TAMM41: variants seen among roughly 807,000 people sequenced by gnomAD.
TAMM41 encodes the protein phosphatidate cytidylyltransferase, mitochondrial.
Under a neutral mutation model 44.1 loss-of-function variants are expected in TAMM41, and 36 were observed. That is an observed-to-expected ratio of 0.82 (90% CI 0.63 to 1.08). The LOEUF is 1.08. Among genes scored for constraint, TAMM41 ranks in the 50% least tolerant of loss-of-function variants. The pLI is 0.00. For missense variants in TAMM41, 417 were observed against 404.3 expected (o/e 1.03, Z -0.27); for synonymous variants, 164 against 153.1 (o/e 1.07, Z -0.53).
At chr3:11,795,321 G>C (rs2077578567) in intron 7 of TAMM41, among the ~76,000 whole-genome samples, 1 of 152,182 alleles carries the variant, frequency 6.6e-6, no homozygotes, top group Non-Finnish European at 1.5e-5. Flanking sequence ...CCTCTGCTCA[G>C]GGAATGAATG....
Position 11,809,451 on chromosome 3 carries a change from A to C in TAMM41, c.874+66T>G, listed in dbSNP as rs1337293839. On this transcript the variant is annotated intron_variant, in intron 6 of 7. Transcript: ENST00000455809. Reference sequence around the variant, plus strand: ...CAAAAAGGAAGAAATAATACATTCCAATCACAAACAAAGTCTGCTTTTCCC... The same window carrying C: ...CAAAAAGGAAGAAATAATACATTCCCATCACAAACAAAGTCTGCTTTTCCC... The C allele has an allele frequency of 2.5e-6, 4 of 1,569,182 alleles. No individual in the cohort carries two copies. The African/African-American group carries it at 5.5e-5, about 21-fold the overall frequency.
At chr3:11,790,130 A>C (rs1330102891), downstream of TAMM41, among the ~76,000 whole-genome samples, 2 of 152,218 alleles carry the variant, frequency 1.3e-5, no homozygotes, top group Admixed American at 1.3e-4. Context: ...TGGAGACTAG[A>C]GACATAACAA....
the TAMM41 span, among the ~76,000 whole-genome samples, chr3:11,725,425 T>TTCCTCCTCCTCC: frequency 7.3e-5 from 5 of 68,110 alleles, no homozygotes; most frequent in African/African-American, 1.5e-4. Context: ...TTCTTCTTCT[T>TTCCTCCTCCTCC]TCCTCCTCCT....
At chr3:11,772,237 AT>A in the TAMM41 span, among the ~76,000 whole-genome samples, 790 of 136,308 alleles carry the variant, frequency 5.8e-3, 4 homozygotes, top group African/African-American at 0.011. Context: ...CAGCTGGCTA[AT>A]TTTTTTTTTT....
chr3:11,793,904 A>G (rs1409741030), intron 7 of TAMM41, among the ~76,000 whole-genome samples: 1 of 152,132 alleles, frequency 6.6e-6, no homozygotes, highest in Non-Finnish European at 1.5e-5. Context: ...CTTTGTGGAA[A>G]TTCATCAGAT....
intron 5 of TAMM41, among the ~76,000 whole-genome samples, chr3:11,815,961 T>C (rs1202043340): frequency 1.3e-5 from 2 of 152,204 alleles, no homozygotes; most frequent in Admixed American, 6.5e-5. Context: ...TTTTAAATCA[T>C]GTACATGCAT....
chr3:11,803,702 A>C (rs1159674075), intron 7 of TAMM41, among the ~76,000 whole-genome samples: 1 of 152,244 alleles, frequency 6.6e-6, no homozygotes, highest in Non-Finnish European at 1.5e-5. Context: ...ACTGGATAAC[A>C]AAAATGTGTA....
chr3:11,748,077 G>A, the TAMM41 span, among the ~76,000 whole-genome samples: 4 of 151,612 alleles, frequency 2.6e-5, no homozygotes, highest in Non-Finnish European at 4.4e-5. Flanking sequence ...GTTTCTCCAT[G>A]TTGTCCAGGC....
At chr3:11,736,759 G>A in the TAMM41 span, among the ~76,000 whole-genome samples, 25 of 152,234 alleles carry the variant, frequency 1.6e-4, 1 homozygote, top group South Asian at 3.1e-3. Flanking sequence ...TATACAAGAG[G>A]GTATAGAGTG....
At chr3:11,844,780 TAATG>T (rs1375750526) in intron 1 of TAMM41, 1 of 371,590 alleles carries the variant, frequency 2.7e-6, no homozygotes, top group African/African-American at 2.1e-5. Flanking sequence ...AGTACATAAG[TAATG>T]AACTCTGACA....
chr3:11,813,871 T>C (rs1031251017), intron 5 of TAMM41, among the ~76,000 whole-genome samples: 2 of 144,896 alleles, frequency 1.4e-5, no homozygotes, highest in South Asian at 2.2e-4. Flanking sequence ...TATGTATATA[T>C]ATGTATATAT....
At chr3:11,766,080 A>C in the TAMM41 span, among the ~76,000 whole-genome samples, 1 of 152,242 alleles carries the variant, frequency 6.6e-6, no homozygotes, top group South Asian at 2.1e-4. Context: ...GGGTAGGCCT[A>C]GGATTCCTGA....
chr3:11,807,127 T>G, intron 7 of TAMM41: 15 of 965,130 alleles, frequency 1.6e-5, no homozygotes, highest in African/African-American at 1.8e-5. Flanking sequence ...GTGAAAGACA[T>G]GAGATACAGT....
At chr3:11,737,779 C>T in the TAMM41 span, among the ~76,000 whole-genome samples, 15 of 152,120 alleles carry the variant, frequency 9.9e-5, no homozygotes, top group African/African-American at 3.6e-4. Flanking sequence ...TTGAAATTAA[C>T]AATATTAACT....
intron 7 of TAMM41, among the ~76,000 whole-genome samples, chr3:11,798,106 A>C (rs1419706852): frequency 6.6e-6 from 1 of 152,216 alleles, no homozygotes; most frequent in Non-Finnish European, 1.5e-5. Flanking sequence ...TCAAAAACCT[A>C]AAAAGAGAAC....
intron 5 of TAMM41, among the ~76,000 whole-genome samples, chr3:11,813,100 C>G (rs1257545104): frequency 6.6e-6 from 1 of 152,126 alleles, no homozygotes; most frequent in Non-Finnish European, 1.5e-5. Flanking sequence ...AGAGAAAATT[C>G]CTAGCCCTTT....
the TAMM41 span, among the ~76,000 whole-genome samples, chr3:11,736,010 G>T: frequency 1.3e-5 from 2 of 152,112 alleles, no homozygotes; most frequent in Non-Finnish European, 2.9e-5. Flanking sequence ...AAGCAAAGGG[G>T]TTTTCTCCAA....
chr3:11,729,034 T>C, the TAMM41 span, among the ~76,000 whole-genome samples: 1 of 134,092 alleles, frequency 7.5e-6, no homozygotes, highest in Non-Finnish European at 1.7e-5. Flanking sequence ...TACAAAAACT[T>C]GCCAGGGAGT....
chr3:11,838,257 C>G (rs2079270290), intron 3 of TAMM41, among the ~76,000 whole-genome samples: 1 of 152,208 alleles, frequency 6.6e-6, no homozygotes, highest in African/African-American at 2.4e-5. Context: ...CTCTGTCGCC[C>G]AGGCTGGGGT....
Sources: gnomAD v4.1 joint callset for allele counts (sites outside exome capture counted in the v4.1 genomes callset) on GRCh38, gnomAD v4.1.1 for gene constraint, MANE v1.5 for transcripts, NCBI Gene and HGNC (gene_info 2026-07-23, HGNC 2026-07-21) for gene names.